Variants in LGR6 observed in about 807,000 individuals in gnomAD.
LGR6 encodes the protein leucine-rich repeat-containing G protein-coupled receptor 6.
A neutral mutation model predicts 69.4 loss-of-function variants in LGR6; 45 were observed. The observed-to-expected ratio is 0.65, with a 90% CI of 0.51 to 0.83. LGR6 has a LOEUF of 0.83. Among genes scored for constraint, LGR6 ranks in the 40% least tolerant of loss-of-function variants. The pLI, the probability that LGR6 is intolerant of heterozygous loss-of-function variation, is 0.00. For missense variants in LGR6, 1,108 were observed against 1,246.7 expected, an observed-to-expected ratio of 0.89 and a Z score of 1.68; for synonymous variants, 538 against 555.0, an observed-to-expected ratio of 0.97 and a Z score of 0.43.
At chr1:202,225,559 G>A in intron 2 of LGR6, 65 bp downstream of exon 2, 1 of 1,437,702 alleles carries the variant, frequency 7.0e-7, no homozygotes, top group Admixed American at 1.7e-5. Flanking sequence ...TGGAACCAGA[G>A]CTCCCCAGGA....
intron 7 of LGR6, among the ~76,000 whole-genome samples, chr1:202,297,931 G>C (rs1456221088): frequency 6.6e-6 from 1 of 152,244 alleles, no homozygotes; most frequent in Non-Finnish European, 1.5e-5. Flanking sequence ...AAGGAACTGA[G>C]AACTGGTTTA....
chr1:202,227,811 G>T, intron 2 of LGR6, 125 bp from the exon 3 acceptor site: 1 of 690,290 alleles, frequency 1.4e-6, no homozygotes, highest in South Asian at 1.6e-5. Context: ...ACGCATCGTA[G>T]ATTTCAATAA....
chr1:202,237,371 C>G (rs1661665608), intron 4 of LGR6, among the ~76,000 whole-genome samples: 1 of 152,178 alleles, frequency 6.6e-6, no homozygotes, highest in Non-Finnish European at 1.5e-5. Context: ...GCCTAGGGCA[C>G]CAGCGCAGCA....
chr1:202,203,044 T>C (rs528431205), intron 1 of LGR6, among the ~76,000 whole-genome samples: 1 of 152,310 alleles, frequency 6.6e-6, no homozygotes, highest in African/African-American at 2.4e-5. Context: ...ACTCTCTCCA[T>C]GTAGCACCCC....
chr1:202,238,030 T>TA (rs1328030949), intron 4 of LGR6, among the ~76,000 whole-genome samples: 1 of 152,128 alleles, frequency 6.6e-6, no homozygotes, highest in Non-Finnish European at 1.5e-5. Flanking sequence ...ATGATGATGT[T>TA]ATTGTGAGAT....
intron 4 of LGR6, among the ~76,000 whole-genome samples, chr1:202,246,726 A>C (rs1345855048): frequency 6.6e-6 from 1 of 152,150 alleles, no homozygotes; most frequent in Non-Finnish European, 1.5e-5. Flanking sequence ...CTAAAAGAGA[A>C]TTGACTAAAA....
chr1:202,283,966 C>G (rs1018881288), intron 6 of LGR6, among the ~76,000 whole-genome samples: 5 of 152,248 alleles, frequency 3.3e-5, no homozygotes, highest in Admixed American at 6.5e-5. Flanking sequence ...CCTTCATCTG[C>G]ACAATGGGCT....
At chr1:202,254,849 G>A (rs1290683640) in intron 4 of LGR6, among the ~76,000 whole-genome samples, 1 of 151,552 alleles carries the variant, frequency 6.6e-6, no homozygotes, top group African/African-American at 2.4e-5. Flanking sequence ...CTTGAACTCA[G>A]GAGTTGAAGA....
At chr1:202,258,479 C>T (rs974963895) in intron 4 of LGR6, among the ~76,000 whole-genome samples, 1 of 151,752 alleles carries the variant, frequency 6.6e-6, no homozygotes, top group South Asian at 2.1e-4. Context: ...TTTTATGTAT[C>T]TCAGTAATAT....
At chr1:202,222,812 C>A (rs1454255348) in intron 1 of LGR6, among the ~76,000 whole-genome samples, 1 of 152,176 alleles carries the variant, frequency 6.6e-6, no homozygotes. Flanking sequence ...GGCTTAAAAT[C>A]CATCCACAGG....
At chr1:202,277,502 G>T (rs1469194358) in intron 5 of LGR6, among the ~76,000 whole-genome samples, 4 of 152,098 alleles carry the variant, frequency 2.6e-5, no homozygotes, top group Non-Finnish European at 5.9e-5. Context: ...CAAGGTGATT[G>T]GTTCTAACTT....
At chr1:202,248,841 C>T (rs1662982890) in intron 4 of LGR6, among the ~76,000 whole-genome samples, 1 of 152,162 alleles carries the variant, frequency 6.6e-6, no homozygotes, top group Admixed American at 6.5e-5. Context: ...CCTTTATTGC[C>T]TGGTGAGTGG....
chr1:202,238,303 T>C (rs985781705), intron 4 of LGR6, among the ~76,000 whole-genome samples: 2 of 151,904 alleles, frequency 1.3e-5, no homozygotes, highest in African/African-American at 4.8e-5. Context: ...GGTTTTGCCA[T>C]GTTGTCCAGG....
At chr1:202,287,106 G>C (rs966162306) in intron 6 of LGR6, among the ~76,000 whole-genome samples, 19 of 152,174 alleles carry the variant, frequency 1.2e-4, no homozygotes, top group African/African-American at 4.1e-4. Context: ...ACAAAGTTCA[G>C]GTCTGGCCCT....
chr1:202,248,537 C>T (rs181031697), intron 4 of LGR6, among the ~76,000 whole-genome samples: 92 of 152,326 alleles, frequency 6.0e-4, no homozygotes, highest in Non-Finnish European at 1.1e-3. Context: ...CCTTTGCCCT[C>T]CCTTAAACGA....
intron 4 of LGR6, among the ~76,000 whole-genome samples, chr1:202,256,275 G>A (rs937221080): frequency 2.0e-5 from 3 of 151,286 alleles, no homozygotes; most frequent in South Asian, 2.1e-4. Flanking sequence ...ATAGAGTCTC[G>A]CTCAGCCACC....
intron 9 of LGR6, among the ~76,000 whole-genome samples, chr1:202,302,145 C>T (rs111846387): frequency 1.2e-3 from 187 of 152,304 alleles, no homozygotes; most frequent in African/African-American, 4.4e-3. Flanking sequence ...TGAGCCAAGA[C>T]TCAGTCTCAG....
chr1:202,304,713 C>T, intron 11 of LGR6, 83 bp downstream of exon 11: 1 of 1,096,216 alleles, frequency 9.1e-7, no homozygotes, highest in Non-Finnish European at 1.4e-6. Context: ...GCTTCTGTCC[C>T]ACTTGGTCAT....
At chr1:202,203,626 C>G in intron 1 of LGR6, 1 of 600,988 alleles carries the variant, frequency 1.7e-6, no homozygotes, top group Non-Finnish European at 3.0e-6. Context: ...TCCCCTGGAG[C>G]CTTGGAGAGA....
Sources: gnomAD v4.1 joint callset for allele counts (sites outside exome capture counted in the v4.1 genomes callset) on GRCh38, gnomAD v4.1.1 for gene constraint, MANE v1.5 for transcripts, NCBI Gene and HGNC (gene_info 2026-07-23, HGNC 2026-07-21) for gene names.